SORCS1: variants seen among roughly 807,000 people sequenced by gnomAD.
SORCS1 encodes the protein VPS10 domain-containing receptor SorCS1.
SORCS1 carries 60 observed loss-of-function variants against 146.1 expected under a neutral mutation model. The observed-to-expected ratio is 0.41, with a 90% confidence interval of 0.33 to 0.51. SORCS1 has a LOEUF of 0.51. Among genes scored for constraint, SORCS1 ranks in the 20% least tolerant of loss-of-function variants. SORCS1 has a pLI of 0.21. For missense variants in SORCS1, 1,352 were observed against 1,487.6 expected, an observed-to-expected ratio of 0.91 and a Z score of 1.50; for synonymous variants, 637 against 584.0, an observed-to-expected ratio of 1.09 and a Z score of -1.31.
At chr10:106,673,089 C>A in intron 14 of SORCS1, 104 bp from the exon 15 acceptor site, 1 of 795,310 alleles carries the variant, frequency 1.3e-6, no homozygotes, top group Non-Finnish European at 2.0e-6. Context: ...AAGCACATTA[C>A]ATGAATCATA....
At chr10:106,654,013 T>A (rs1850085686) in intron 17 of SORCS1, among the ~76,000 whole-genome samples, 1 of 152,200 alleles carries the variant, frequency 6.6e-6, no homozygotes, top group Non-Finnish European at 1.5e-5. Context: ...ATGTCCATTC[T>A]CTTTTTAATC....
At chr10:107,028,186 G>A (rs571827439) in intron 1 of SORCS1, among the ~76,000 whole-genome samples, 2 of 152,272 alleles carry the variant, frequency 1.3e-5, no homozygotes, top group African/African-American at 4.8e-5. Flanking sequence ...TCTTAAGCTG[G>A]TAAAGCCACT....
intron 1 of SORCS1, among the ~76,000 whole-genome samples, chr10:107,034,707 A>AC (rs1958819515): frequency 6.8e-6 from 1 of 146,238 alleles, no homozygotes; most frequent in Non-Finnish European, 1.5e-5. Context: ...AAAAAAAAAA[A>AC]CAATGTTCAT....
At chr10:107,032,979 G>A (rs531973218) in intron 1 of SORCS1, among the ~76,000 whole-genome samples, 4 of 152,082 alleles carry the variant, frequency 2.6e-5, no homozygotes, top group Admixed American at 1.3e-4. Flanking sequence ...TTTAAAGGAC[G>A]GCATATGTAT....
chr10:106,985,672 G>C (rs1180847944), intron 1 of SORCS1, among the ~76,000 whole-genome samples: 1 of 151,780 alleles, frequency 6.6e-6, no homozygotes, highest in Non-Finnish European at 1.5e-5. Context: ...GAGTAGCTGG[G>C]ATTACAGGCG....
chr10:107,100,121 A>G (rs572895195), intron 1 of SORCS1, among the ~76,000 whole-genome samples: 1 of 152,344 alleles, frequency 6.6e-6, no homozygotes, highest in African/African-American at 2.4e-5. Context: ...GGTTTTTAAG[A>G]TGTGAATTTA....
In SORCS1 at chr10:106,976,333, G is replaced by GTTTTTTTTTGTTT. The variant is rs1554901319; in HGVS notation, c.559-19754_559-19753insAAACAAAAAAAAA. 1.5e-4 allele frequency among the ~76,000 whole-genome samples: 17 copies of GTTTTTTTTTGTTT among 113,790 alleles called. 1 individual carries two copies. The highest frequency in any genetic ancestry group is 4.3e-4 in the African/African-American group (11 of 25,492). The allele number at this position is 113,790 out of a possible 152,430, so 74.7% of individuals were successfully genotyped here. A position where few individuals can be genotyped will look rare whatever the true frequency, so the allele number is the denominator to read the frequency against. ...ATCAACTCATCATCTAGGTTTTTTT[G>GTTTTTTTTTGTTT]TTTTTTTTTTTTTTTTGAGACGGAG... On this transcript the variant is annotated intron_variant, in intron 1 of 25. Transcript: ENST00000263054.
chr10:106,677,196 C>A, intron 13 of SORCS1, 117 bp downstream of exon 13: 1 of 955,748 alleles, frequency 1.0e-6, no homozygotes. Context: ...CAAACCTCGG[C>A]ATTTTGGTAA....
At chr10:106,753,219 G>GA (rs1335378428) in intron 5 of SORCS1, among the ~76,000 whole-genome samples, 1 of 152,072 alleles carries the variant, frequency 6.6e-6, no homozygotes, top group African/African-American at 2.4e-5. Flanking sequence ...CCTGGAGAAG[G>GA]AAAAATGCAG....
intron 2 of SORCS1, among the ~76,000 whole-genome samples, chr10:106,937,985 A>AAAAAAG (rs1953837947): frequency 1.3e-5 from 2 of 151,902 alleles, no homozygotes; most frequent in African/African-American, 4.8e-5. Flanking sequence ...AAAAAAAAAA[A>AAAAAAG]AAAAAGAAAG....
chr10:106,922,376 ATCT>A (rs1297062144), intron 2 of SORCS1, among the ~76,000 whole-genome samples: 2 of 152,312 alleles, frequency 1.3e-5, no homozygotes, highest in African/African-American at 4.8e-5. Flanking sequence ...ACCTGGATAG[ATCT>A]TCTGTCATCC....
chr10:106,957,429 C>A (rs1225933540), intron 1 of SORCS1, among the ~76,000 whole-genome samples: 1 of 152,014 alleles, frequency 6.6e-6, no homozygotes, highest in East Asian at 1.9e-4. Flanking sequence ...GCCTCAGCCT[C>A]TCAAAGTGCT....
intron 2 of SORCS1, among the ~76,000 whole-genome samples, chr10:106,913,280 A>G (rs1952255170): frequency 6.6e-6 from 1 of 152,226 alleles, no homozygotes; most frequent in South Asian, 2.1e-4. Context: ...TTCATTATTC[A>G]ATGCCAGAAC....
chr10:106,789,031 A>G (rs777078223), intron 3 of SORCS1, among the ~76,000 whole-genome samples: 1 of 152,190 alleles, frequency 6.6e-6, no homozygotes, highest in Non-Finnish European at 1.5e-5. Context: ...CTTTGTGCAC[A>G]TGCAGGCCCA....
At chr10:106,983,219 T>C (rs978264357) in intron 1 of SORCS1, among the ~76,000 whole-genome samples, 2 of 147,258 alleles carry the variant, frequency 1.4e-5, no homozygotes, top group African/African-American at 2.5e-5. Flanking sequence ...TATAAATATA[T>C]ATACATATTT....
chr10:106,835,375 A>G (rs1419508128), intron 2 of SORCS1, among the ~76,000 whole-genome samples: 1 of 152,172 alleles, frequency 6.6e-6, no homozygotes, highest in African/African-American at 2.4e-5. Flanking sequence ...TTTGTTACTC[A>G]TTTTCTAACA....
chr10:107,057,512 C>A (rs1960760369), intron 1 of SORCS1, among the ~76,000 whole-genome samples: 1 of 152,150 alleles, frequency 6.6e-6, no homozygotes, highest in Admixed American at 6.5e-5. Flanking sequence ...GCATTCAACT[C>A]CAAACCCAAA....
At chr10:106,673,223 C>A (rs1851744586) in intron 14 of SORCS1, among the ~76,000 whole-genome samples, 1 of 151,742 alleles carries the variant, frequency 6.6e-6, no homozygotes. Flanking sequence ...CCCCTGACTC[C>A]CTGGTTCAAG....
chr10:106,727,585 G>A (rs1032244580), intron 6 of SORCS1, among the ~76,000 whole-genome samples: 5 of 152,096 alleles, frequency 3.3e-5, no homozygotes, highest in Admixed American at 1.3e-4. Context: ...GACTGGTGGC[G>A]AGAAACGGTT....
Sources: gnomAD v4.1 joint callset for allele counts (sites outside exome capture counted in the v4.1 genomes callset) on GRCh38, gnomAD v4.1.1 for gene constraint, MANE v1.5 for transcripts, NCBI Gene and HGNC (gene_info 2026-07-23, HGNC 2026-07-21) for gene names.